Variants in RBP5 observed in about 807,000 individuals in gnomAD.
The protein encoded by RBP5 is retinol binding protein 5, also known as retinol-binding protein 5.
RBP5 carries 12 observed loss-of-function variants against 17.8 expected under a neutral mutation model. That is an observed-to-expected ratio of 0.67 (90% confidence interval 0.43 to 1.09). RBP5 has a LOEUF of 1.09. Among genes scored for constraint, RBP5 ranks in the 50% least tolerant of loss-of-function variants. RBP5 has a pLI of 0.00. For missense variants in RBP5, 172 were observed against 169.4 expected (o/e 1.02, Z -0.09); for synonymous variants, 64 against 68.1 (o/e 0.94, Z 0.30).
chr12:7,127,647 C>T (rs1939196264), intron 2 of RBP5: 1 of 702,040 alleles, frequency 1.4e-6, no homozygotes. Flanking sequence ...ATTTTGTAGG[C>T]AGTTGAAAAC....
chr12:7,122,856 G>A (rs1431593267), downstream of RBP5, among the ~76,000 whole-genome samples: 1 of 152,126 alleles, frequency 6.6e-6, no homozygotes, highest in African/African-American at 2.4e-5. Context: ...TCAACCCTGA[G>A]TTCCTTTTTT....
At chr12:7,129,013 G>T, upstream of RBP5, 1 of 482,378 alleles carries the variant, frequency 2.1e-6, no homozygotes, top group Non-Finnish European at 3.8e-6. The surrounding 1 kb of genome is among the most constrained non-coding windows in gnomAD (Gnocchi z 5.5). Flanking sequence ...TGAAGGAGGG[G>T]CAGGGATTTG....
At position 7,128,600 on chromosome 12, in the gene RBP5, C is replaced by T; in HGVS notation, c.73+103G>A. The T allele has an allele frequency of 7.9e-7, 1 of 1,271,230 alleles. No homozygotes were observed. The highest frequency in any genetic ancestry group is 1.1e-6 in the Non-Finnish European group (1 of 893,196). The allele number at this position is 1,271,230 out of a possible 1,614,324, so 78.7% of individuals were successfully genotyped here. On this transcript the variant is annotated intron_variant, in intron 1 of 3. Transcript: ENST00000266560. The surrounding 1 kb of genome is among the most constrained non-coding windows in gnomAD (Gnocchi z 5.3). The stretch of plus-strand genomic sequence containing the variant: ...GGTGCCAGCCGCCTGAGCCTTTCCA[C>T]AGTGTCCAACCCCGGGCATTCCCTC...
rs147851398 is a variant in RBP5 at position 7,124,707 on chromosome 12, C to T, written c.276G>A (p.Glu92=). 151 of 1,611,724 alleles carry T rather than the reference C, an allele frequency of 9.4e-5. No individual in the cohort carries two copies. The highest frequency in any genetic ancestry group is 3.3e-4 in the Middle Eastern group (2 of 6,080). The stretch of plus-strand genomic sequence containing the variant: ...CCCCTTTCTGCACACACACCAGGTG[C>T]TCCTCCTCCCAGGTTACTATGGTCT... ...KCQTIVTWEE[E]HLVCVQKGEV... is the part of the protein sequence containing the mutation. Residue 92 remains glutamate, a synonymous_variant, in exon 3 of 4, where the codon GAG becomes GAA. Coordinates refer to ENST00000266560, the MANE Select transcript of RBP5 (RefSeq NM_031491.4). This position sits in a 1 kb window ranked among gnomAD's most constrained non-coding sequence, Gnocchi z 5.3.
rs1591609276 is a variant in RBP5, at chr12:7,126,514, T to TG, written c.252+1725dup. 7.6e-3 allele frequency among the ~76,000 whole-genome samples: 632 copies of TG among 83,604 alleles called. 3 individuals are homozygous for TG. Among genetic ancestry groups the TG allele is most frequent in the African/African-American group, 0.016 (380 of 24,484 alleles). The allele number at this position is 83,604 out of a possible 152,430, so 54.8% of individuals were successfully genotyped here. On this transcript the variant is annotated intron_variant, in intron 2 of 3. Transcript: ENST00000266560. ...TGTGGTGGTGGTGGTGGTGGTGGTGTGTGTGTGTGTGTGTGTGTGTGTGTG... is the reference window on the plus strand; with the variant it reads ...TGTGGTGGTGGTGGTGGTGGTGGTGTGGTGTGTGTGTGTGTGTGTGTGTGTG...
chr12:7,124,151 C>T lies in RBP5; in HGVS notation c.378G>A (p.Val126=), dbSNP rs1939120798. 5 of 1,614,006 alleles carry T rather than the reference C, an allele frequency of 3.1e-6. No homozygotes were observed. Among genetic ancestry groups the T allele is most frequent in the African/African-American group, 1.3e-5 (1 of 74,906 alleles). The change falls in exon 4 of 4, where the codon GTG becomes GTA. Residue 126 remains valine, a synonymous_variant. Coordinates refer to ENST00000266560, the MANE Select transcript of RBP5 (RefSeq NM_031491.4). The surrounding 1 kb of genome is among the most constrained non-coding windows in gnomAD (Gnocchi z 5.3). Reference sequence around the variant, plus strand: ...TGACCTTCCTGAAGACCTGCTCGCACACTGCATCCCTTGCAGTCAGTTCCT... The same window carrying T: ...TGACCTTCCTGAAGACCTGCTCGCATACTGCATCCCTTGCAGTCAGTTCCT... The part of the protein sequence containing the change: ...LYLELTARDA[V]CEQVFRKVR
chr12:7,129,046 CTTTTCCTGAGGAAGGAACCTGGAGCAGG>C, upstream of RBP5: 1 of 401,852 alleles, frequency 2.5e-6, no homozygotes, highest in Non-Finnish European at 4.7e-6. The surrounding 1 kb of genome is among the most constrained non-coding windows in gnomAD (Gnocchi z 5.5). Flanking sequence ...CTGACCTTGG[CTTTTCCTGAGGAAGGAACCTGGAGCAGG>C]ATCCTTCCTG....
chr12:7,116,970 G>T (rs146097169), exon 4 of RBP5: 2 of 152,194 alleles, frequency 1.3e-5, no homozygotes, highest in Non-Finnish European at 2.9e-5. Context: ...AGTTTCTGTG[G>T]GTCAGGAATC....
chr12:7,128,325 C>G lies in RBP5; in HGVS notation c.167G>C (p.Ser56Thr), dbSNP rs751071236. The G allele has an allele frequency of 2.5e-6, 4 of 1,614,076 alleles. No individual in the cohort carries two copies. The highest frequency in any genetic ancestry group is 3.3e-4 in the Middle Eastern group (2 of 6,062). The change falls in exon 2 of 4, where the codon AGC (serine) becomes ACC (threonine). Residue 56 changes from serine (S) to threonine (T), a missense_variant. Physicochemically the swap from Ser to Thr is moderately conservative, Grantham distance 58. Transcript: ENST00000266560. The surrounding 1 kb of genome is among the most constrained non-coding windows in gnomAD (Gnocchi z 5.3). ...CTGCACAGTGTAGTTTCGGAAGGTG[C>G]TGAGCGTCCTCACCGTCATGTGGTT... ...QGNHMTVRTL[S>T]TFRNYTVQFD...
In RBP5 at chr12:7,123,771, T is replaced by C. The variant is rs1035820487; in HGVS notation, c.*350A>G. The C allele has an allele frequency of 3.2e-5, 7 of 216,964 alleles. No individual in the cohort carries two copies. The highest frequency in any genetic ancestry group is 6.4e-5 in the Non-Finnish European group (7 of 109,660). 13.4% of individuals were successfully genotyped at this position (216,964 alleles called of 1,614,324 possible). A position where few individuals can be genotyped will look rare whatever the true frequency, so the allele number is the denominator to read the frequency against. The stretch of plus-strand genomic sequence containing the variant: ...GATAGAATTTTCACTAATCGCCAAA[T>C]GCCCAAAGCTTAGTTCTTTCTTAGA... On this transcript the variant is annotated 3_prime_UTR_variant, in exon 4 of 4. Coordinates refer to ENST00000266560, the MANE Select transcript of RBP5 (RefSeq NM_031491.4).
At chr12:7,123,386 T>G (rs1020021852), downstream of RBP5, among the ~76,000 whole-genome samples, 3 of 152,202 alleles carry the variant, frequency 2.0e-5, no homozygotes, top group Non-Finnish European at 4.4e-5. Flanking sequence ...ATCCTCCGTC[T>G]ACTTCCTTTT....
At chr12:7,126,387 A>G (rs1162972023) in intron 2 of RBP5, among the ~76,000 whole-genome samples, 6 of 152,094 alleles carry the variant, frequency 3.9e-5, no homozygotes, top group African/African-American at 1.4e-4. Context: ...CAGCATCTAG[A>G]TTTGGACTAG....
intron 2 of RBP5, among the ~76,000 whole-genome samples, chr12:7,125,379 AAG>A (rs908822935): frequency 2.6e-4 from 40 of 152,306 alleles, no homozygotes; most frequent in Admixed American, 1.5e-3. Flanking sequence ...TTTGAGAAAA[AAG>A]AGAGATTGGT....
At chr12:7,126,848 C>G (rs1939174571) in intron 2 of RBP5, among the ~76,000 whole-genome samples, 1 of 152,142 alleles carries the variant, frequency 6.6e-6, no homozygotes, top group African/African-American at 2.4e-5. Flanking sequence ...CTCTGTCACC[C>G]AGACTAGAAT....
At chr12:7,126,298 A>T (rs1939158940) in intron 2 of RBP5, among the ~76,000 whole-genome samples, 1 of 152,182 alleles carries the variant, frequency 6.6e-6, no homozygotes, top group Non-Finnish European at 1.5e-5. Context: ...TATTCAAAAT[A>T]TTATTATTTC....
At chr12:7,126,573 G>C (rs1283753688) in intron 2 of RBP5, among the ~76,000 whole-genome samples, 1 of 150,310 alleles carries the variant, frequency 6.7e-6, no homozygotes, top group African/African-American at 2.5e-5. Context: ...GGAGCCTAGA[G>C]GTAAGGAAAC....
intron 2 of RBP5, among the ~76,000 whole-genome samples, chr12:7,125,109 G>C (rs1313669464): frequency 2.6e-5 from 4 of 152,132 alleles, no homozygotes; most frequent in Non-Finnish European, 5.9e-5. Flanking sequence ...GTTTCTCCAT[G>C]TTGGCCAGGC....
downstream of RBP5, chr12:7,120,663 A>T (rs1939068470): frequency 1.3e-5 from 2 of 155,030 alleles, no homozygotes; most frequent in South Asian, 4.1e-4. Context: ...GGGTACTCTT[A>T]TGACTGAGGG....
chr12:7,126,069 C>CAAA (rs34064255), intron 2 of RBP5, among the ~76,000 whole-genome samples: 32,250 of 139,698 alleles, frequency 0.23, 4,670 homozygotes, highest in East Asian at 0.44. Context: ...CCACCTCTAC[C>CAAA]AAAAAAAAAA....
Sources: allele counts gnomAD v4.1 joint callset (sites outside exome capture counted in the v4.1 genomes callset), GRCh38; gene constraint gnomAD v4.1.1; non-coding constraint Gnocchi (gnomAD v3.1); transcripts MANE v1.5; gene names NCBI Gene and HGNC (gene_info 2026-07-23, HGNC 2026-07-21).